Variants in PTPRD observed in about 807,000 individuals in gnomAD.
The protein encoded by PTPRD is protein tyrosine phosphatase receptor type D.
Under a neutral mutation model 214.5 loss-of-function variants are expected in PTPRD, and 34 were observed. The ratio of observed to expected loss-of-function variants is 0.16; its 90% CI spans 0.12 to 0.21. PTPRD has a LOEUF of 0.21. PTPRD is among the 10% of genes least tolerant of loss of function. The pLI is 1.00. For synonymous variants in PTPRD, 1,128 were observed against 845.7 expected, an observed-to-expected ratio of 1.33 and a Z score of -5.79; for missense variants, 2,545 against 2,398.7, an observed-to-expected ratio of 1.06 and a Z score of -1.27.
At chr9:9,972,213 A>T (rs1175044197) in intron 4 of PTPRD, among the ~76,000 whole-genome samples, 1 of 152,170 alleles carries the variant, frequency 6.6e-6, no homozygotes, top group East Asian at 1.9e-4. Context: ...CATTTCTAGT[A>T]GTGTTCTTTC....
At chr9:9,654,298 G>A (rs988793970) in intron 7 of PTPRD, among the ~76,000 whole-genome samples, 4 of 152,028 alleles carry the variant, frequency 2.6e-5, no homozygotes, top group Non-Finnish European at 4.4e-5. Flanking sequence ...AAGAGGGATA[G>A]TAACATACTC....
rs192965936 is a variant in PTPRD, at chr9:10,172,861, C to G, written c.-544-139071G>C. Among the ~76,000 whole-genome samples, 194 of 152,206 alleles carry G rather than the reference C, an allele frequency of 1.3e-3. 3 individuals carry two copies. The highest frequency in any genetic ancestry group is 5.8e-4 in the African/African-American group (24 of 41,540). ...AAATGTATATGGAATCAAAGATAAA[C>G]CTTATCAGCTGACTAGATGGATGAA... is the stretch of plus-strand genomic sequence containing the variant. On this transcript the variant is annotated intron_variant, in intron 3 of 45. Transcript: ENST00000381196.
At chr9:8,433,849 T>A (rs1177039436) in intron 35 of PTPRD, among the ~76,000 whole-genome samples, 1 of 152,204 alleles carries the variant, frequency 6.6e-6, no homozygotes, top group Non-Finnish European at 1.5e-5. Context: ...ATAGTGTTTA[T>A]AAAGTCTACA....
chr9:9,775,205 T>G (rs2098787687), intron 5 of PTPRD, among the ~76,000 whole-genome samples: 1 of 152,228 alleles, frequency 6.6e-6, no homozygotes, highest in African/African-American at 2.4e-5. Context: ...CTTTTTAATT[T>G]TAACCACAGA....
chr9:8,930,009 G>A (rs746431978), intron 11 of PTPRD, among the ~76,000 whole-genome samples: 2 of 150,950 alleles, frequency 1.3e-5, no homozygotes, highest in African/African-American at 4.9e-5. Flanking sequence ...TGTGCACAAC[G>A]TGCAGGTTTG....
intron 2 of PTPRD, among the ~76,000 whole-genome samples, chr9:10,531,232 G>A (rs952659069): frequency 6.6e-6 from 1 of 152,134 alleles, no homozygotes; most frequent in East Asian, 1.9e-4. Context: ...TTGCAGGCAT[G>A]AGCCACTATG....
At chr9:10,511,858 G>GTA (rs1366118017) in intron 2 of PTPRD, among the ~76,000 whole-genome samples, 3 of 74,468 alleles carry the variant, frequency 4.0e-5, no homozygotes, top group African/African-American at 1.4e-4. Flanking sequence ...ATATCTGTGT[G>GTA]TGTGTGTGTG....
chr9:8,591,271 T>C (rs945168656), intron 14 of PTPRD, among the ~76,000 whole-genome samples: 1 of 152,176 alleles, frequency 6.6e-6, no homozygotes, highest in Non-Finnish European at 1.5e-5. Context: ...TTCCAAAGAA[T>C]AGGAACTAGT....
At chr9:9,937,499 T>G (rs1022262895) in intron 5 of PTPRD, among the ~76,000 whole-genome samples, 4 of 151,882 alleles carry the variant, frequency 2.6e-5, no homozygotes, top group Non-Finnish European at 5.9e-5. Flanking sequence ...AAGTATATAT[T>G]TGGGCTATTT....
At chr9:8,997,028 A>G (rs2154352155) in intron 11 of PTPRD, among the ~76,000 whole-genome samples, 1 of 152,268 alleles carries the variant, frequency 6.6e-6, no homozygotes, top group East Asian at 1.9e-4. Flanking sequence ...TAAACAATCT[A>G]AAAGAATTCT....
chr9:10,553,404 A>G (rs2061783091), intron 2 of PTPRD, among the ~76,000 whole-genome samples: 1 of 152,068 alleles, frequency 6.6e-6, no homozygotes, highest in South Asian at 2.1e-4. Flanking sequence ...TCCTACACAT[A>G]AAATAGTTCA....
intron 8 of PTPRD, among the ~76,000 whole-genome samples, chr9:9,405,392 G>A (rs1026505928): frequency 1.3e-5 from 2 of 151,970 alleles, no homozygotes; most frequent in Non-Finnish European, 2.9e-5. Context: ...AAGCAACAAT[G>A]TCCATCTAAC....
intron 11 of PTPRD, among the ~76,000 whole-genome samples, chr9:8,846,632 A>G (rs909965724): frequency 1.4e-4 from 22 of 152,168 alleles, no homozygotes; most frequent in African/African-American, 4.8e-4. Flanking sequence ...TCCAAATGGA[A>G]GAGAGAGAGC....
At chr9:9,009,299 G>C (rs2099497531) in intron 11 of PTPRD, among the ~76,000 whole-genome samples, 1 of 152,120 alleles carries the variant, frequency 6.6e-6, no homozygotes, top group Non-Finnish European at 1.5e-5. Context: ...CTAGTTCTAA[G>C]TCATAGAAAG....
intron 10 of PTPRD, among the ~76,000 whole-genome samples, chr9:9,089,314 G>A (rs1255404502): frequency 1.3e-5 from 2 of 152,102 alleles, no homozygotes; most frequent in African/African-American, 4.8e-5. Flanking sequence ...TACTTTATTG[G>A]CAAAAACAGG....
chr9:9,749,879 T>G (rs1048265930), intron 6 of PTPRD, among the ~76,000 whole-genome samples: 2 of 152,150 alleles, frequency 1.3e-5, no homozygotes, highest in African/African-American at 4.8e-5. Context: ...TAAGTTGAAG[T>G]TGGATTTAGC....
At chr9:9,516,735 G>A (rs966389294) in intron 8 of PTPRD, among the ~76,000 whole-genome samples, 8 of 151,254 alleles carry the variant, frequency 5.3e-5, no homozygotes, top group Admixed American at 1.3e-4. Flanking sequence ...ACGGGGCTTC[G>A]CTATGTTGGC....
chr9:8,603,390 G>A (rs1277900237), intron 14 of PTPRD, among the ~76,000 whole-genome samples: 1 of 152,174 alleles, frequency 6.6e-6, no homozygotes, highest in African/African-American at 2.4e-5. Context: ...TGAGTAGAAA[G>A]GCTGGGTCTT....
intron 3 of PTPRD, among the ~76,000 whole-genome samples, chr9:10,189,688 G>A (rs1197301963): frequency 2.6e-5 from 4 of 151,868 alleles, no homozygotes; most frequent in African/African-American, 7.2e-5. Flanking sequence ...AGAAACAACG[G>A]CTGTAAAAAA....
Sources: allele counts gnomAD v4.1 joint callset (sites outside exome capture counted in the v4.1 genomes callset), GRCh38; gene constraint gnomAD v4.1.1; transcripts MANE v1.5; gene names NCBI Gene and HGNC (gene_info 2026-07-23, HGNC 2026-07-21).